Variants in HERPUD2 observed in about 807,000 individuals in gnomAD.
The protein encoded by HERPUD2 is homocysteine-responsive endoplasmic reticulum-resident ubiquitin-like domain member 2 protein.
Under a neutral mutation model 49.9 loss-of-function variants are expected in HERPUD2, and 13 were observed. That is an observed-to-expected ratio of 0.26 (90% CI 0.17 to 0.41). HERPUD2 has a LOEUF of 0.41. HERPUD2 is among the 10% of genes least tolerant of loss of function. HERPUD2 has a pLI of 1.00. For missense variants in HERPUD2, 449 were observed against 492.2 expected (o/e 0.91, Z 0.83); for synonymous variants, 172 against 171.4 (o/e 1.00, Z -0.03).
At chr7:35,646,905 A>T (rs910568573) in intron 5 of HERPUD2, among the ~76,000 whole-genome samples, 1 of 152,126 alleles carries the variant, frequency 6.6e-6, no homozygotes, top group Admixed American at 6.6e-5. Context: ...CTGTAGGATA[A>T]TAACAGAAAA....
intron 3 of HERPUD2, 89 bp downstream of exon 3, chr7:35,673,112 A>G (rs1346251382): frequency 3.2e-6 from 3 of 950,454 alleles, no homozygotes; most frequent in Admixed American, 4.5e-5. Context: ...TAAGTATCTA[A>G]AAACTGAACT....
chr7:35,669,386 C>T (rs1785601020), intron 4 of HERPUD2, among the ~76,000 whole-genome samples: 1 of 152,198 alleles, frequency 6.6e-6, no homozygotes, highest in Non-Finnish European at 1.5e-5. Flanking sequence ...GCTCCCACCC[C>T]TGTCACTTGT....
rs117998633 is a variant in HERPUD2, at chr7:35,636,573, G to A, written c.618-1115C>T. Among the ~76,000 whole-genome samples, 872 of 152,296 alleles carry A rather than the reference G, an allele frequency of 5.7e-3. 5 individuals carry two copies. Among genetic ancestry groups the A allele is most frequent in the Non-Finnish European group, 7.6e-3 (516 of 68,018 alleles). ...AGGTTCACAAACGAGACAAGGTGGG[G>A]TACAGCATCCAGCAGAGTACTGAGC... On this transcript the variant is annotated intron_variant, in intron 6 of 8. Coordinates refer to ENST00000311350, the MANE Select transcript of HERPUD2 (RefSeq NM_022373.5).
At chr7:35,654,198 G>A (rs1364774282) in intron 5 of HERPUD2, among the ~76,000 whole-genome samples, 1 of 150,598 alleles carries the variant, frequency 6.6e-6, no homozygotes, top group Non-Finnish European at 1.5e-5. Flanking sequence ...AAAATTAGTA[G>A]AGGGAAAGAA....
At chr7:35,648,079 CAAGTA>C (rs1012316355) in intron 5 of HERPUD2, among the ~76,000 whole-genome samples, 3 of 152,022 alleles carry the variant, frequency 2.0e-5, no homozygotes, top group African/African-American at 4.8e-5. Context: ...CATATCTGTA[CAAGTA>C]AAGAGACTCA....
At chr7:35,642,424 A>G (rs1191754710) in intron 5 of HERPUD2, among the ~76,000 whole-genome samples, 1 of 152,236 alleles carries the variant, frequency 6.6e-6, no homozygotes, top group African/African-American at 2.4e-5. Flanking sequence ...AGCTAAAAAC[A>G]GAACTACCAT....
intron 6 of HERPUD2, among the ~76,000 whole-genome samples, chr7:35,637,825 A>C (rs1309116121): frequency 1.3e-5 from 2 of 152,232 alleles, no homozygotes; most frequent in Non-Finnish European, 2.9e-5. Flanking sequence ...AAAGAATCAC[A>C]GAAACAAGGA....
At chr7:35,664,384 C>T (rs1034885002) in intron 5 of HERPUD2, among the ~76,000 whole-genome samples, 2 of 152,034 alleles carry the variant, frequency 1.3e-5, no homozygotes, top group African/African-American at 4.8e-5. Context: ...TTGCTATTCT[C>T]GAGGAGTATC....
At chr7:35,693,822 G>C (rs1786247981) in intron 2 of HERPUD2, among the ~76,000 whole-genome samples, 1 of 152,106 alleles carries the variant, frequency 6.6e-6, no homozygotes, top group Admixed American at 6.5e-5. Context: ...ATTTTCAGTA[G>C]ACATAGGGTT....
chr7:35,637,350 A>AT (rs1156594636), intron 6 of HERPUD2, among the ~76,000 whole-genome samples: 4 of 152,198 alleles, frequency 2.6e-5, no homozygotes, highest in Non-Finnish European at 1.5e-5. Context: ...CAAAAGCTCT[A>AT]TTAACTCTTC....
At chr7:35,666,739 G>A (rs1359093957) in intron 5 of HERPUD2, among the ~76,000 whole-genome samples, 2 of 152,228 alleles carry the variant, frequency 1.3e-5, no homozygotes, top group East Asian at 3.8e-4. Context: ...TCCTCTGGAA[G>A]TGCCTAACCC....
chr7:35,686,420 C>G (rs1314427420), intron 2 of HERPUD2, among the ~76,000 whole-genome samples: 4 of 149,848 alleles, frequency 2.7e-5, no homozygotes, highest in Admixed American at 2.7e-4. Context: ...ATCTCCTGAT[C>G]TCATGATCCG....
intron 2 of HERPUD2, among the ~76,000 whole-genome samples, chr7:35,685,248 C>A (rs186523347): frequency 1.4e-5 from 2 of 147,564 alleles, no homozygotes; most frequent in East Asian, 4.1e-4. Flanking sequence ...AAAAAAAAAA[C>A]AGAAAAGAAA....
chr7:35,641,195 G>T (rs1784962565), intron 5 of HERPUD2, among the ~76,000 whole-genome samples: 2 of 152,114 alleles, frequency 1.3e-5, no homozygotes, highest in African/African-American at 4.8e-5. Context: ...TGCCAAGGTA[G>T]AAAAGATTAA....
rs1401306944 is a variant in HERPUD2 at position 35,673,647 on chromosome 7, T to C, written c.148-369A>G. On this transcript the variant is annotated intron_variant, in intron 2 of 8. Coordinates refer to ENST00000311350, the MANE Select transcript of HERPUD2 (RefSeq NM_022373.5). ...AAATGAGAAAGTGGTTGGCCTTATA[T>C]TAATCGTCAACAGTAGGATAAAATT... Among the ~76,000 whole-genome samples the C allele has an allele frequency of 6.6e-5, 10 of 152,296 alleles. 1 individual carries two copies. The highest frequency in any genetic ancestry group is 4.1e-4 in the South Asian group (2 of 4,832).
chr7:35,682,903 T>C (rs368079799), intron 2 of HERPUD2, among the ~76,000 whole-genome samples: 2 of 149,688 alleles, frequency 1.3e-5, no homozygotes, highest in East Asian at 1.9e-4. Flanking sequence ...AACAAAACAC[T>C]GGTGAAAGAA....
intron 6 of HERPUD2, among the ~76,000 whole-genome samples, chr7:35,637,958 A>G (rs1014428823): frequency 9.2e-5 from 14 of 152,194 alleles, no homozygotes; most frequent in African/African-American, 3.4e-4. Flanking sequence ...ATCAAAACGG[A>G]CTAAATACTG....
chr7:35,663,228 T>C (rs1785465860), intron 5 of HERPUD2, among the ~76,000 whole-genome samples: 1 of 152,250 alleles, frequency 6.6e-6, no homozygotes, highest in Non-Finnish European at 1.5e-5. Flanking sequence ...CACTGTGGTC[T>C]GAGAGACAGT....
At chr7:35,669,657 G>A (rs1785605476) in intron 4 of HERPUD2, among the ~76,000 whole-genome samples, 2 of 152,026 alleles carry the variant, frequency 1.3e-5, no homozygotes, top group South Asian at 4.2e-4. Context: ...TAGGCAGATG[G>A]AAAAATAAGG....
Sources: allele counts gnomAD v4.1 joint callset (sites outside exome capture counted in the v4.1 genomes callset), GRCh38; gene constraint gnomAD v4.1.1; transcripts MANE v1.5; gene names NCBI Gene and HGNC (gene_info 2026-07-23, HGNC 2026-07-21).